PABPC4L: variants seen among roughly 807,000 people sequenced by gnomAD.
PABPC4L encodes the protein poly(A) binding protein cytoplasmic 4 like, also known as polyadenylate-binding protein 4-like.
For synonymous variants in PABPC4L, 169 were observed against 164.1 expected (o/e 1.03, Z -0.23); for missense variants, 452 against 451.4 (o/e 1.00, Z -0.01).
the PABPC4L span, among the ~76,000 whole-genome samples, chr4:134,043,304 T>C: frequency 2.1e-4 from 32 of 152,308 alleles, no homozygotes; most frequent in African/African-American, 7.2e-4. Context: ...GTAAACTATA[T>C]GAGGACTGTA....
the PABPC4L span, among the ~76,000 whole-genome samples, chr4:134,092,045 C>A: frequency 6.6e-6 from 1 of 151,864 alleles, no homozygotes; most frequent in African/African-American, 2.4e-5. Flanking sequence ...TGCTCTGGAA[C>A]AATTTATGGA....
the PABPC4L span, among the ~76,000 whole-genome samples, chr4:134,114,762 A>G: frequency 2.6e-5 from 4 of 151,896 alleles, no homozygotes; most frequent in Non-Finnish European, 5.9e-5. Flanking sequence ...GTGTCAGAGC[A>G]CGTTAAAAAA....
the PABPC4L span, among the ~76,000 whole-genome samples, chr4:134,157,102 G>A: frequency 6.6e-6 from 1 of 151,722 alleles, no homozygotes; most frequent in Non-Finnish European, 1.5e-5. Flanking sequence ...CATAAATCCT[G>A]ATAAGCCCCA....
the PABPC4L span, among the ~76,000 whole-genome samples, chr4:134,120,729 T>C: frequency 4.0e-5 from 6 of 151,526 alleles, no homozygotes; most frequent in African/African-American, 1.4e-4. Context: ...AAATCATGTG[T>C]CTTTTAATTT....
At chr4:134,107,615 C>T in the PABPC4L span, among the ~76,000 whole-genome samples, 2 of 151,414 alleles carry the variant, frequency 1.3e-5, no homozygotes, top group Non-Finnish European at 3.0e-5. Context: ...GTTGCAACAG[C>T]CTTTTTTGGT....
At chr4:134,016,351 G>C in the PABPC4L span, among the ~76,000 whole-genome samples, 2 of 152,014 alleles carry the variant, frequency 1.3e-5, no homozygotes, top group South Asian at 2.1e-4. Flanking sequence ...ACTACGCAAG[G>C]GTCCTCTATC....
At chr4:133,949,756 G>A in the PABPC4L span, among the ~76,000 whole-genome samples, 36 of 152,132 alleles carry the variant, frequency 2.4e-4, 1 homozygote, top group South Asian at 2.3e-3. Context: ...TGGAAGTAGT[G>A]GACTGTGAAC....
the PABPC4L span, among the ~76,000 whole-genome samples, chr4:134,160,733 A>G: frequency 2.0e-5 from 3 of 152,036 alleles, no homozygotes; most frequent in Non-Finnish European, 4.4e-5. Flanking sequence ...GCCAGGTGGT[A>G]TGTGCCTGTA....
At chr4:133,997,663 T>C in the PABPC4L span, among the ~76,000 whole-genome samples, 20 of 152,058 alleles carry the variant, frequency 1.3e-4, no homozygotes, top group African/African-American at 4.6e-4. Context: ...TTCACAGGAA[T>C]TTGGAAGAAG....
the PABPC4L span, among the ~76,000 whole-genome samples, chr4:134,017,911 C>T: frequency 2.6e-5 from 4 of 151,974 alleles, no homozygotes; most frequent in East Asian, 1.9e-4. Flanking sequence ...CCAAAATTTT[C>T]GCCGTCCCAA....
At chr4:133,981,744 A>T in the PABPC4L span, among the ~76,000 whole-genome samples, 1 of 152,026 alleles carries the variant, frequency 6.6e-6, no homozygotes, top group African/African-American at 2.4e-5. Flanking sequence ...TGCCATTGAG[A>T]AGATGAAATT....
At chr4:134,149,021 G>A in the PABPC4L span, among the ~76,000 whole-genome samples, 158 of 152,120 alleles carry the variant, frequency 1.0e-3, 1 homozygote, top group African/African-American at 3.7e-3. Flanking sequence ...TGAGGCATAG[G>A]CATTCTATGT....
At chr4:134,170,680 A>G in the PABPC4L span, among the ~76,000 whole-genome samples, 1 of 152,128 alleles carries the variant, frequency 6.6e-6, no homozygotes, top group Non-Finnish European at 1.5e-5. Context: ...TGAGAACAGC[A>G]CCAAGAGGAT....
chr4:134,098,457 T>G, the PABPC4L span, among the ~76,000 whole-genome samples: 1 of 151,688 alleles, frequency 6.6e-6, no homozygotes, highest in Non-Finnish European at 1.5e-5. Context: ...ACCTATGATC[T>G]GTGATGGGGA....
chr4:134,147,034 G>A, the PABPC4L span, among the ~76,000 whole-genome samples: 1 of 152,038 alleles, frequency 6.6e-6, no homozygotes, highest in Non-Finnish European at 1.5e-5. Flanking sequence ...AATCAGTGAA[G>A]TGTACTTTAT....
the PABPC4L span, among the ~76,000 whole-genome samples, chr4:134,185,363 G>A: frequency 6.6e-6 from 1 of 152,046 alleles, no homozygotes; most frequent in African/African-American, 2.4e-5. Context: ...TTCATCCCTG[G>A]CATGCAAGGC....
At chr4:134,054,083 A>C in the PABPC4L span, among the ~76,000 whole-genome samples, 1 of 151,572 alleles carries the variant, frequency 6.6e-6, no homozygotes, top group Non-Finnish European at 1.5e-5. Context: ...ATGAGACTTA[A>C]TACTAGACAA....
At chr4:134,092,800 T>C in the PABPC4L span, among the ~76,000 whole-genome samples, 1 of 151,996 alleles carries the variant, frequency 6.6e-6, no homozygotes, top group South Asian at 2.1e-4. Flanking sequence ...CCATCGCAAG[T>C]CCCACAAGAG....
chr4:134,059,243 A>C, the PABPC4L span, among the ~76,000 whole-genome samples: 1 of 151,836 alleles, frequency 6.6e-6, no homozygotes, highest in Admixed American at 6.6e-5. Flanking sequence ...CTTTTCATCT[A>C]TCCTCATCCA....
Sources: gnomAD v4.1 joint callset for allele counts (sites outside exome capture counted in the v4.1 genomes callset) on GRCh38, gnomAD v4.1.1 for gene constraint, MANE v1.5 for transcripts, NCBI Gene and HGNC (gene_info 2026-07-23, HGNC 2026-07-21) for gene names.